The following SRGAP3 variants were observed in gnomAD, a reference collection of about 807,000 sequenced individuals.
SRGAP3 encodes the protein SLIT-ROBO Rho GTPase-activating protein 3.
Under a neutral mutation model 121.1 loss-of-function variants are expected in SRGAP3, and 39 were observed. That is an observed-to-expected ratio of 0.32 (90% confidence interval 0.25 to 0.42). SRGAP3 has a LOEUF of 0.42. SRGAP3 is among the 10% of genes least tolerant of loss of function. The pLI, the probability that SRGAP3 is intolerant of heterozygous loss-of-function variation, is 1.00. For missense variants in SRGAP3, 1,213 were observed against 1,470.6 expected (o/e 0.82, Z 2.86); for synonymous variants, 601 against 570.0 (o/e 1.05, Z -0.77).
intron 3 of SRGAP3, among the ~76,000 whole-genome samples, chr3:9,299,300 G>A (rs912858945): frequency 5.4e-5 from 8 of 148,980 alleles, no homozygotes; most frequent in African/African-American, 1.5e-4. Flanking sequence ...GGCGGAGACT[G>A]CAGTGAGCCA....
At chr3:9,008,323 G>A (rs1339485526) in intron 18 of SRGAP3, 1 of 152,352 alleles carries the variant, frequency 6.6e-6, no homozygotes, top group African/African-American at 2.4e-5. Context: ...GTCCAGAGAA[G>A]CCTTCTGCCC....
chr3:9,072,770 T>C (rs914308137), intron 4 of SRGAP3, among the ~76,000 whole-genome samples: 8 of 152,210 alleles, frequency 5.3e-5, no homozygotes, highest in Non-Finnish European at 1.0e-4. Context: ...TGACTTTCGG[T>C]GTCATGGGAA....
intron 2 of SRGAP3, among the ~76,000 whole-genome samples, chr3:9,122,726 A>G (rs1161079777): frequency 2.6e-5 from 4 of 151,052 alleles, no homozygotes; most frequent in South Asian, 2.1e-4. Flanking sequence ...AAAAAAAAAA[A>G]GGGAGAAGAT....
At position 9,234,061 on chromosome 3, in the gene SRGAP3, A is replaced by G. The variant is rs1372502310; in HGVS notation, c.67+14824T>C. On this transcript the variant is annotated intron_variant, in intron 1 of 21. Transcript: ENST00000383836. ...AAGTACGAGATCCAGCAAGACAGAG[A>G]TGCTCAGGGTGGGGCCTGAACCTGG... is the stretch of plus-strand genomic sequence containing the variant. Among the ~76,000 whole-genome samples the G allele has an allele frequency of 2.6e-5, 4 of 152,156 alleles. No individual in the cohort carries two copies. The South Asian group carries it at 6.2e-4, about 24-fold the overall frequency.
chr3:9,208,314 C>A (rs1252759135), intron 1 of SRGAP3, among the ~76,000 whole-genome samples: 2 of 152,166 alleles, frequency 1.3e-5, no homozygotes, highest in Non-Finnish European at 2.9e-5. Flanking sequence ...CAATATGAAT[C>A]TAGAAACCAC....
Position 9,122,475 on chromosome 3 carries a change from C to T in SRGAP3, c.260+2250G>A, listed in dbSNP as rs552867890. Among the ~76,000 whole-genome samples the T allele has an allele frequency of 3.8e-3, 571 of 151,908 alleles. 2 individuals are homozygous for T. Among genetic ancestry groups the T allele is most frequent in the Non-Finnish European group, 5.4e-3 (364 of 67,946 alleles). On this transcript the variant is annotated intron_variant, in intron 2 of 21. Coordinates refer to ENST00000383836, the MANE Select transcript of SRGAP3 (RefSeq NM_014850.4). ...CTTTAATCCCAGCACTTTGGGAGGC[C>T]GAGGCGGGCGGATCATGAGGTCAGG...
chr3:9,159,097 G>A (rs921196203), intron 1 of SRGAP3, among the ~76,000 whole-genome samples: 8 of 152,126 alleles, frequency 5.3e-5, no homozygotes, highest in Non-Finnish European at 1.2e-4. Context: ...TCCAACTCGT[G>A]TTCTGTACTG....
chr3:9,273,858 C>T (rs1954525957), intron 3 of SRGAP3, among the ~76,000 whole-genome samples: 1 of 151,208 alleles, frequency 6.6e-6, no homozygotes, highest in Admixed American at 6.6e-5. Context: ...TATTCTGTCT[C>T]CACTGAATGT....
chr3:9,350,511 C>T (rs900775012), intron 1 of SRGAP3, among the ~76,000 whole-genome samples: 10 of 152,210 alleles, frequency 6.6e-5, no homozygotes, highest in Non-Finnish European at 1.5e-4. Context: ...GCCTCAGACT[C>T]TTCAACATGA....
In SRGAP3 at chr3:9,026,921, A is replaced by T; in HGVS notation, c.1600+14T>A. The T allele has an allele frequency of 6.2e-7, 1 of 1,614,158 alleles. No individual in the cohort carries two copies. The highest frequency in any genetic ancestry group is 8.5e-7 in the Non-Finnish European group (1 of 1,179,966). On this transcript the variant is annotated intron_variant, in intron 13 of 21. Coordinates refer to ENST00000383836, the MANE Select transcript of SRGAP3 (RefSeq NM_014850.4). ...TGCAGATTGCTGAAAACACTGGCCC[A>T]AGATCCAGCTTACCATATAAATTGA...
intron 4 of SRGAP3, among the ~76,000 whole-genome samples, chr3:9,073,891 G>A (rs951195344): frequency 1.3e-5 from 2 of 152,198 alleles, no homozygotes; most frequent in Non-Finnish European, 2.9e-5. Flanking sequence ...TCTCTGGAAG[G>A]AGACATGGCT....
chr3:9,354,073 T>C (rs2030348223), intron 1 of SRGAP3, among the ~76,000 whole-genome samples: 1 of 152,160 alleles, frequency 6.6e-6, no homozygotes, highest in Non-Finnish European at 1.5e-5. Context: ...AAAAGGTAAA[T>C]TTAATGTAGA....
chr3:9,308,000 CA>C (rs1295490016), intron 3 of SRGAP3, among the ~76,000 whole-genome samples: 1 of 152,174 alleles, frequency 6.6e-6, no homozygotes, highest in African/African-American at 2.4e-5. Flanking sequence ...ACTAAAAATA[CA>C]AAAATTAGCT....
intron 3 of SRGAP3, chr3:9,293,200 G>A (rs1450330005): frequency 1.3e-5 from 2 of 152,172 alleles, no homozygotes; most frequent in African/African-American, 4.8e-5. Flanking sequence ...CCCTTTGTGG[G>A]AGGAAAATGA....
At chr3:9,097,648 C>G (rs1028428082) in intron 3 of SRGAP3, among the ~76,000 whole-genome samples, 2 of 152,230 alleles carry the variant, frequency 1.3e-5, no homozygotes, top group Admixed American at 1.3e-4. Flanking sequence ...CACTCAGATC[C>G]CCTTCGGGCC....
chr3:9,271,034 C>G (rs1397616358), intron 3 of SRGAP3, among the ~76,000 whole-genome samples: 2 of 152,196 alleles, frequency 1.3e-5, no homozygotes, highest in Non-Finnish European at 2.9e-5. Flanking sequence ...CCCTCAAATG[C>G]CTAAAGTGTT....
chr3:9,063,431 G>C (rs1946273480), intron 5 of SRGAP3, among the ~76,000 whole-genome samples: 1 of 151,508 alleles, frequency 6.6e-6, no homozygotes, highest in South Asian at 2.1e-4. Context: ...GCCTGGCCCA[G>C]ACAATCTTTT....
At chr3:9,167,435 T>C (rs1241171337) in intron 1 of SRGAP3, among the ~76,000 whole-genome samples, 1 of 152,218 alleles carries the variant, frequency 6.6e-6, no homozygotes, top group Non-Finnish European at 1.5e-5. Context: ...TCTCTACCTA[T>C]GTTCCCCTGC....
chr3:9,159,028 C>G (rs1250223066), intron 1 of SRGAP3, among the ~76,000 whole-genome samples: 1 of 152,168 alleles, frequency 6.6e-6, no homozygotes, highest in Non-Finnish European at 1.5e-5. Context: ...CCTCTGATAC[C>G]AGTTCTGGCC....
Sources: allele counts gnomAD v4.1 joint callset (sites outside exome capture counted in the v4.1 genomes callset), GRCh38; gene constraint gnomAD v4.1.1; transcripts MANE v1.5; gene names NCBI Gene and HGNC (gene_info 2026-07-23, HGNC 2026-07-21).